The following PDE8B variants were observed in gnomAD, a reference collection of about 807,000 sequenced individuals.
The protein encoded by PDE8B is high affinity cAMP-specific and IBMX-insensitive 3',5'-cyclic phosphodiesterase 8B.
PDE8B carries 26 observed loss-of-function variants against 101.3 expected under a neutral mutation model. The ratio of observed to expected loss-of-function variants is 0.26; its 90% confidence interval spans 0.19 to 0.36. The LOEUF (loss-of-function observed/expected upper bound fraction) is 0.36, where lower values mean the gene tolerates loss of function less well. Among genes scored for constraint, PDE8B ranks in the 10% least tolerant of loss-of-function variants. The probability of loss-of-function intolerance (pLI) is 1.00; values close to 1 mark genes in which losing one functional copy is unlikely to be tolerated. For synonymous variants in PDE8B, 424 were observed against 429.3 expected (o/e 0.99, Z 0.15); for missense variants, 810 against 1,163.1 (o/e 0.70, Z 4.42).
At chr5:77,095,657 A>G in the PDE8B span, among the ~76,000 whole-genome samples, 1 of 152,194 alleles carries the variant, frequency 6.6e-6, no homozygotes, top group Non-Finnish European at 1.5e-5. Context: ...GCAAATCGAC[A>G]TAGATGGCCT....
chr5:77,195,696 TG>T, the PDE8B span, among the ~76,000 whole-genome samples: 1 of 152,140 alleles, frequency 6.6e-6, no homozygotes, highest in East Asian at 1.9e-4. Flanking sequence ...ACACATATTT[TG>T]CATGTTATAT....
the PDE8B span, among the ~76,000 whole-genome samples, chr5:77,090,898 A>T: frequency 1.3e-5 from 2 of 152,156 alleles, no homozygotes; most frequent in East Asian, 1.9e-4. Flanking sequence ...CTTCTTGGAG[A>T]TAGTATTTTT....
chr5:77,208,678 G>A (rs1747704986), upstream of PDE8B, among the ~76,000 whole-genome samples: 1 of 152,202 alleles, frequency 6.6e-6, no homozygotes. Context: ...TGGAGGCTAT[G>A]ATGCCAGGAA....
intron 10 of PDE8B, among the ~76,000 whole-genome samples, chr5:77,394,578 A>G (rs1790622565): frequency 1.3e-5 from 2 of 152,158 alleles, no homozygotes; most frequent in South Asian, 4.1e-4. Context: ...CCCATTTAGC[A>G]TATCCAATTA....
intron 19 of PDE8B, among the ~76,000 whole-genome samples, chr5:77,421,073 ATGTG>A (rs977431102): frequency 2.6e-5 from 4 of 152,206 alleles, no homozygotes; most frequent in African/African-American, 9.7e-5. Flanking sequence ...ATGGCCTGTG[ATGTG>A]TGTACCAACT....
At chr5:77,397,334 C>T (rs1791294957) in intron 10 of PDE8B, among the ~76,000 whole-genome samples, 1 of 151,988 alleles carries the variant, frequency 6.6e-6, no homozygotes, top group Non-Finnish European at 1.5e-5. Context: ...CCAGCCAGAA[C>T]TTACTTTTTC....
intron 1 of PDE8B, among the ~76,000 whole-genome samples, chr5:77,280,852 G>A (rs867801204): frequency 9.2e-5 from 14 of 152,138 alleles, no homozygotes; most frequent in Non-Finnish European, 1.5e-4. Flanking sequence ...AGCTAAGATC[G>A]CGCCACTGCA....
At chr5:77,367,027 G>A (rs1017061628) in intron 10 of PDE8B, among the ~76,000 whole-genome samples, 2 of 152,112 alleles carry the variant, frequency 1.3e-5, no homozygotes, top group Non-Finnish European at 2.9e-5. Context: ...CAACTCATTA[G>A]CTTCTATGGG....
chr5:77,352,225 C>G (rs1446653737), intron 9 of PDE8B, among the ~76,000 whole-genome samples: 1 of 152,194 alleles, frequency 6.6e-6, no homozygotes, highest in Non-Finnish European at 1.5e-5. Flanking sequence ...CGTGGCCATT[C>G]TCACCCACAG....
intron 4 of PDE8B, among the ~76,000 whole-genome samples, chr5:77,330,682 C>A (rs1005181953): frequency 7.9e-5 from 12 of 152,006 alleles, no homozygotes; most frequent in African/African-American, 2.9e-4. Flanking sequence ...ATTTTTCTTC[C>A]CTGGTTCTTA....
chr5:77,209,580 CAG>C (rs1371738837), upstream of PDE8B, among the ~76,000 whole-genome samples: 4 of 152,114 alleles, frequency 2.6e-5, no homozygotes. Flanking sequence ...AGCTGTAACT[CAG>C]AGTTTACAAG....
At chr5:77,209,056 A>G (rs1045341028), upstream of PDE8B, among the ~76,000 whole-genome samples, 1 of 152,126 alleles carries the variant, frequency 6.6e-6, no homozygotes, top group African/African-American at 2.4e-5. Context: ...CCTGCTAAAC[A>G]CCATCTCAGA....
At chr5:77,269,599 T>C (rs759444122) in intron 1 of PDE8B, among the ~76,000 whole-genome samples, 1 of 152,164 alleles carries the variant, frequency 6.6e-6, no homozygotes, top group Non-Finnish European at 1.5e-5. Context: ...AACGGTTTCA[T>C]AGTTTGAGGT....
At chr5:77,316,195 T>C (rs1426220940) in intron 2 of PDE8B, among the ~76,000 whole-genome samples, 1 of 152,214 alleles carries the variant, frequency 6.6e-6, no homozygotes, top group Non-Finnish European at 1.5e-5. Flanking sequence ...TTCTCTAATA[T>C]AGGTATACTT....
intron 12 of PDE8B, among the ~76,000 whole-genome samples, chr5:77,406,306 A>T (rs566110500): frequency 1.3e-5 from 2 of 152,296 alleles, no homozygotes; most frequent in African/African-American, 2.4e-5. Context: ...AAAAAAATTT[A>T]AAAAGTGGCT....
the PDE8B span, among the ~76,000 whole-genome samples, chr5:77,125,975 A>T: frequency 6.6e-6 from 1 of 152,330 alleles, no homozygotes; most frequent in South Asian, 2.1e-4. Context: ...TTTTACCACA[A>T]TAAAATTAAA....
chr5:77,294,109 C>G (rs544954258), intron 1 of PDE8B, among the ~76,000 whole-genome samples: 2 of 152,102 alleles, frequency 1.3e-5, no homozygotes, highest in South Asian at 4.2e-4. Flanking sequence ...TAATTTTAAG[C>G]CCCTTATATC....
rs145110190 is a variant in PDE8B, at chr5:77,364,685, A to G, written c.1167+11279A>G. The stretch of plus-strand genomic sequence containing the variant: ...CTTTTCCTCATTATTTGTTAGTCAA[A>G]CAAGATGGCTGCAGGATGGGAGGCT... On this transcript the variant is annotated intron_variant, in intron 10 of 21. Coordinates refer to ENST00000264917, the MANE Select transcript of PDE8B (RefSeq NM_003719.5). 4.3e-3 allele frequency among the ~76,000 whole-genome samples: 658 copies of G among 152,252 alleles called. 3 individuals are homozygous for G. Among genetic ancestry groups the G allele is most frequent in the Non-Finnish European group, 6.7e-3 (459 of 68,022 alleles).
intron 15 of PDE8B, among the ~76,000 whole-genome samples, 163 bp downstream of exon 15, chr5:77,411,884 T>TAG (rs1193151313): frequency 6.6e-6 from 1 of 152,252 alleles, no homozygotes; most frequent in African/African-American, 2.4e-5. Flanking sequence ...TTAAAATTAC[T>TAG]TCTCTGAGCA....
Sources: allele counts gnomAD v4.1 joint callset (sites outside exome capture counted in the v4.1 genomes callset), GRCh38; gene constraint gnomAD v4.1.1; transcripts MANE v1.5; gene names NCBI Gene and HGNC (gene_info 2026-07-23, HGNC 2026-07-21).